Variants in TBC1D9B observed in about 807,000 individuals in gnomAD.
The protein encoded by TBC1D9B is TBC1 domain family member 9B.
TBC1D9B carries 87 observed loss-of-function variants against 121.1 expected under a neutral mutation model. That is an observed-to-expected ratio of 0.72 (90% CI 0.60 to 0.86). The LOEUF (loss-of-function observed/expected upper bound fraction) is 0.86. TBC1D9B is among the 40% of genes least tolerant of loss of function. The pLI is 0.00. For missense variants in TBC1D9B, 1,540 were observed against 1,628.6 expected, an observed-to-expected ratio of 0.95 and a Z score of 0.94; for synonymous variants, 668 against 670.1, an observed-to-expected ratio of 1.00 and a Z score of 0.05.
Position 179,878,511 on chromosome 5 carries a change from T to A in TBC1D9B, c.1580A>T (p.Glu527Val). ...LWLLFSGAWN[E>V]MVTHPGYYAE... ...ATAGTACCCGGGGTGAGTCACCATC[T>A]CATTCCAGGCCCCTGGGGAGACACG... The change falls in exon 10 of 21, where the codon GAG (glutamate) becomes GTG (valine). Residue 527 changes from glutamate to valine, a missense_variant. Coordinates refer to ENST00000355235, the MANE Select transcript of TBC1D9B (RefSeq NM_015043.4). 1 of 1,604,424 alleles carries A rather than the reference T, an allele frequency of 6.2e-7. No homozygotes were observed. The highest frequency in any genetic ancestry group is 8.5e-7 in the Non-Finnish European group (1 of 1,175,118).
intron 6 of TBC1D9B, among the ~76,000 whole-genome samples, chr5:179,888,830 G>A (rs1396416392): frequency 6.6e-6 from 1 of 152,186 alleles, no homozygotes; most frequent in Non-Finnish European, 1.5e-5. Context: ...CAGCAGGGGT[G>A]AGTGCTGGGA....
At chr5:179,903,110 G>A (rs1761207495) in intron 2 of TBC1D9B, among the ~76,000 whole-genome samples, 2 of 152,188 alleles carry the variant, frequency 1.3e-5, no homozygotes, top group South Asian at 4.1e-4. Context: ...AGGCCTTCAA[G>A]GGAAACCACT....
chr5:179,900,677 C>T (rs1416346603), intron 2 of TBC1D9B, among the ~76,000 whole-genome samples: 2 of 152,166 alleles, frequency 1.3e-5, no homozygotes, highest in Non-Finnish European at 2.9e-5. Context: ...TTAAAGATGC[C>T]TTATTTAATA....
Position 179,862,242 on chromosome 5 carries a change from T to G in TBC1D9B, c.*1206A>C. The G allele has an allele frequency of 4.4e-6, 1 of 229,174 alleles. No homozygotes were observed. The highest frequency in any genetic ancestry group is 5.9e-5 in the South Asian group (1 of 17,070). 14.2% of individuals were successfully genotyped at this position (229,174 alleles called of 1,614,324 possible). A position where few individuals can be genotyped will look rare whatever the true frequency, so the allele number is the denominator to read the frequency against. On this transcript the variant is annotated 3_prime_UTR_variant, in exon 21 of 21. Transcript: ENST00000355235. ...TGGGGGTCTGGTTTTAGATATCCAC[T>G]GTATCCCCTGTGGATAAGGGGGTAA...
chr5:179,892,217 C>A (rs968929166), intron 5 of TBC1D9B, among the ~76,000 whole-genome samples: 2 of 152,274 alleles, frequency 1.3e-5, no homozygotes, highest in African/African-American at 4.8e-5. Flanking sequence ...GGCCTGACTG[C>A]ATTCTCACCG....
chr5:179,900,226 G>A (rs1761129909), intron 2 of TBC1D9B, among the ~76,000 whole-genome samples: 1 of 152,076 alleles, frequency 6.6e-6, no homozygotes, highest in East Asian at 1.9e-4. Context: ...AAACAAAAAC[G>A]TAGAGAAGGC....
intron 14 of TBC1D9B, 131 bp downstream of exon 14, chr5:179,872,761 C>T (rs1374494407): frequency 1.2e-6 from 1 of 833,192 alleles, no homozygotes; most frequent in East Asian, 2.5e-5. Flanking sequence ...CCCATGAATC[C>T]TACCATGATG....
In TBC1D9B at chr5:179,878,903, A is replaced by G. The variant is rs970434268; in HGVS notation, c.1567+144T>C. 3.3e-6 allele frequency: 4 copies of G among 1,207,428 alleles called. No individual in the cohort carries two copies. The African/African-American group carries it at 6.1e-5, about 18-fold the overall frequency. 74.8% of individuals were successfully genotyped at this position (1,207,428 alleles called of 1,614,324 possible). On this transcript the variant is annotated intron_variant, in intron 9 of 20. Transcript: ENST00000355235. ...GGTCCCGGGCCAGAGCCCAGAGCCC[A>G]GAGCCCGGCTCCCGGCTGTGTGAAA...
In TBC1D9B at chr5:179,870,488, T is replaced by C. The variant is rs768125776; in HGVS notation, c.2492A>G (p.His831Arg). 2.5e-6 allele frequency: 4 copies of C among 1,608,280 alleles called. No homozygotes were observed. The highest frequency in any genetic ancestry group is 3.3e-5 in the Admixed American group (2 of 59,948). ...EDLYMVFKAK[H>R]LASQYWGCSR... The stretch of plus-strand genomic sequence containing the variant: ...GCACCCCCAGTACTGGCTAGCCAGG[T>C]GCTTGGCCTGTGGGACACGGTCTGG... Residue 831 changes from histidine to arginine, a missense_variant, in exon 16 of 21, where the codon CAC becomes CGC. His to Arg is a conservative substitution (Grantham distance 29). Coordinates refer to ENST00000355235, the MANE Select transcript of TBC1D9B (RefSeq NM_015043.4).
chr5:179,886,761 C>T (rs1411905266), intron 7 of TBC1D9B, among the ~76,000 whole-genome samples: 1 of 152,234 alleles, frequency 6.6e-6, no homozygotes, highest in East Asian at 1.9e-4. Context: ...GAAGCTGGAT[C>T]TGTGAATTTG....
Position 179,874,995 on chromosome 5 carries a change from A to G in TBC1D9B, c.2093T>C (p.Val698Ala). 1 of 1,613,934 alleles carries G rather than the reference A, an allele frequency of 6.2e-7. No homozygotes were observed. The highest frequency in any genetic ancestry group is 8.5e-7 in the Non-Finnish European group (1 of 1,180,024). ...GACGGCCAGGGCCACCTGCAGGATC[A>G]CCTTGATGCCCTCATAGAAAAAGCA... ...VDCFFYEGIK[V>A]ILQVALAVLD... The change falls in exon 12 of 21, where the codon GTG (valine) becomes GCG (alanine). Residue 698 changes from valine to alanine, a missense_variant. Coordinates refer to ENST00000355235, the MANE Select transcript of TBC1D9B (RefSeq NM_015043.4). The surrounding 1 kb of genome is among the most constrained non-coding windows in gnomAD (Gnocchi z 4.3).
chr5:179,895,007 G>A (rs549269005), intron 3 of TBC1D9B, among the ~76,000 whole-genome samples: 2 of 152,234 alleles, frequency 1.3e-5, no homozygotes, highest in South Asian at 4.1e-4. Context: ...GACTATAGGT[G>A]TACTCCACCA....
Position 179,863,728 on chromosome 5 carries a change from G to A in TBC1D9B, c.3422C>T (p.Ser1141Leu), listed in dbSNP as rs190324553. ...TTGCAGGGAGCCCGTGCTGACCACC[G>A]AGTAGGAGGACATGGACATGTCGTC... The part of the protein sequence containing the change: ...TKDDMSMSSY[S>L]VVSTGSLQCE... The change falls in exon 21 of 21, where the codon TCG becomes TTG. Residue 1141 changes from serine (S) to leucine (L), a missense_variant. By Grantham distance (145) the Ser-to-Leu change is moderately radical. Coordinates refer to ENST00000355235, the MANE Select transcript of TBC1D9B (RefSeq NM_015043.4). The surrounding 1 kb of genome is among the most constrained non-coding windows in gnomAD (Gnocchi z 4.5). The A allele has an allele frequency of 4.7e-5, 76 of 1,613,666 alleles. No individual in the cohort carries two copies. In the African/African-American group the frequency reaches 8.1e-4, roughly 17 times the overall value.
Position 179,899,177 on chromosome 5 carries a change from G to T in TBC1D9B, c.348+12C>A. 6.3e-7 allele frequency: 1 copy of T among 1,577,130 alleles called. No homozygotes were observed. Among genetic ancestry groups the T allele is most frequent in the South Asian group, 1.2e-5 (1 of 83,054 alleles). On this transcript the variant is annotated intron_variant, in intron 3 of 20. Transcript: ENST00000355235. ...GGAAGGGTGAGAACAGAGAGTGGCGGGTAAACCTTACGTGTATCTTGCCCT... is the reference window on the plus strand; with the variant it reads ...GGAAGGGTGAGAACAGAGAGTGGCGTGTAAACCTTACGTGTATCTTGCCCT...
At chr5:179,897,316 CTTT>C (rs71001055) in intron 3 of TBC1D9B, among the ~76,000 whole-genome samples, 1 of 141,428 alleles carries the variant, frequency 7.1e-6, no homozygotes, top group Non-Finnish European at 1.5e-5. Context: ...ATTTTCTTTT[CTTT>C]TTTTTTTTTT....
chr5:179,876,939 T>C (rs1016647910), intron 10 of TBC1D9B, among the ~76,000 whole-genome samples: 4 of 150,648 alleles, frequency 2.7e-5, no homozygotes, highest in African/African-American at 9.8e-5. Context: ...GGCGTGGTGG[T>C]GTGTACCTGT....
rs150801772 is a variant in TBC1D9B, at chr5:179,896,419, C to T, written c.349-1805G>A. On this transcript the variant is annotated intron_variant, in intron 3 of 20. Coordinates refer to ENST00000355235, the MANE Select transcript of TBC1D9B (RefSeq NM_015043.4). ...CTGGGATTACAGGTGTGAGCCACCG[C>T]GCCTAGCCAAACTGGTGTTCTTTTA... 3.2e-3 allele frequency among the ~76,000 whole-genome samples: 482 copies of T among 152,298 alleles called. 4 individuals carry two copies. Among genetic ancestry groups the T allele is most frequent in the African/African-American group, 0.011 (469 of 41,550 alleles).
At chr5:179,870,695 T>C (rs1028112695) in intron 15 of TBC1D9B, 200 bp from the exon 16 acceptor site, 38 of 807,514 alleles carry the variant, frequency 4.7e-5, no homozygotes, top group Non-Finnish European at 6.8e-5. Context: ...GGGAGGGGGT[T>C]GGCTGAGAGA....
chr5:179,871,040 G>A (rs1187707106), intron 15 of TBC1D9B, among the ~76,000 whole-genome samples: 1 of 152,242 alleles, frequency 6.6e-6, no homozygotes, highest in Non-Finnish European at 1.5e-5. Context: ...TGAGAAGAGA[G>A]TATGACCCTG....
Sources: allele counts gnomAD v4.1 joint callset (sites outside exome capture counted in the v4.1 genomes callset), GRCh38; gene constraint gnomAD v4.1.1; non-coding constraint Gnocchi (gnomAD v3.1); transcripts MANE v1.5; gene names NCBI Gene and HGNC (gene_info 2026-07-23, HGNC 2026-07-21).